The following PRKG1 variants were observed in gnomAD, a reference collection of about 807,000 sequenced individuals.
The protein encoded by PRKG1 is cGMP-dependent protein kinase 1.
A neutral mutation model predicts 88.1 loss-of-function variants in PRKG1; 35 were observed. The ratio of observed to expected loss-of-function variants is 0.40; its 90% CI spans 0.30 to 0.53. The LOEUF (loss-of-function observed/expected upper bound fraction) is 0.53. Among genes scored for constraint, PRKG1 ranks in the 20% least tolerant of loss-of-function variants. PRKG1 has a pLI of 0.59. For synonymous variants in PRKG1, 303 were observed against 292.5 expected, an observed-to-expected ratio of 1.04 and a Z score of -0.37; for missense variants, 540 against 839.8, an observed-to-expected ratio of 0.64 and a Z score of 4.41.
At chr10:51,545,990 G>T (rs1842436297) in intron 3 of PRKG1, among the ~76,000 whole-genome samples, 1 of 151,034 alleles carries the variant, frequency 6.6e-6, no homozygotes, top group South Asian at 2.1e-4. Context: ...CTTAATGAAG[G>T]TTATGCATAT....
At chr10:52,217,624 T>A (rs2132816967) in intron 9 of PRKG1, among the ~76,000 whole-genome samples, 1 of 152,262 alleles carries the variant, frequency 6.6e-6, no homozygotes, top group South Asian at 2.1e-4. Context: ...ATAGCAAGGA[T>A]TAAACAATAT....
At chr10:51,504,578 T>C (rs930706868) in intron 3 of PRKG1, among the ~76,000 whole-genome samples, 27 of 152,228 alleles carry the variant, frequency 1.8e-4, no homozygotes, top group African/African-American at 5.8e-4. Context: ...GCCATTGTCA[T>C]GATATTGATT....
chr10:51,916,155 C>T (rs1842334633), intron 5 of PRKG1, among the ~76,000 whole-genome samples: 1 of 152,128 alleles, frequency 6.6e-6, no homozygotes, highest in African/African-American at 2.4e-5. Context: ...ACCTACTGGG[C>T]TGCATTCCCA....
At chr10:51,629,972 T>G (rs1839482271) in intron 3 of PRKG1, among the ~76,000 whole-genome samples, 1 of 152,188 alleles carries the variant, frequency 6.6e-6, no homozygotes, top group Admixed American at 6.5e-5. Flanking sequence ...TGGCTTTGAT[T>G]GCGGTTACTG....
intron 14 of PRKG1, among the ~76,000 whole-genome samples, chr10:52,287,420 C>T (rs549507665): frequency 2.6e-5 from 4 of 151,994 alleles, no homozygotes; most frequent in African/African-American, 7.2e-5. Flanking sequence ...TCTACTACTC[C>T]TTACTTTAAA....
chr10:51,236,794 A>G (rs1564649893), intron 2 of PRKG1, among the ~76,000 whole-genome samples: 1 of 152,168 alleles, frequency 6.6e-6, no homozygotes, highest in East Asian at 1.9e-4. Flanking sequence ...ATGAGCCACC[A>G]CGCTCAGCCA....
chr10:51,692,601 A>G (rs1241385971), intron 3 of PRKG1, among the ~76,000 whole-genome samples: 2 of 152,174 alleles, frequency 1.3e-5, no homozygotes, highest in Non-Finnish European at 1.5e-5. Flanking sequence ...GTGAGTCTGT[A>G]GGATTCACTT....
chr10:52,230,859 G>C (rs1026384548), intron 9 of PRKG1: 1 of 152,148 alleles, frequency 6.6e-6, no homozygotes, highest in African/African-American at 2.4e-5. Flanking sequence ...TAACATCACA[G>C]TGATTGTTTA....
At chr10:51,329,075 G>A (rs1404365964) in intron 2 of PRKG1, among the ~76,000 whole-genome samples, 1 of 151,890 alleles carries the variant, frequency 6.6e-6, no homozygotes, top group Admixed American at 6.6e-5. Context: ...TTATTTTGAT[G>A]TAATTTGTCT....
chr10:51,133,157 T>A (rs1244918273), intron 1 of PRKG1, among the ~76,000 whole-genome samples: 1 of 152,134 alleles, frequency 6.6e-6, no homozygotes, highest in Non-Finnish European at 1.5e-5. Context: ...AAAGTGCAAA[T>A]GTCTTCACTT....
intron 2 of PRKG1, among the ~76,000 whole-genome samples, chr10:51,351,887 A>C (rs1842256182): frequency 6.6e-6 from 1 of 152,184 alleles, no homozygotes; most frequent in African/African-American, 2.4e-5. Context: ...TTTTACATTT[A>C]AGTCTTTAAT....
intron 2 of PRKG1, among the ~76,000 whole-genome samples, chr10:51,194,028 A>G (rs564005182): frequency 6.6e-6 from 1 of 152,292 alleles, no homozygotes; most frequent in Non-Finnish European, 1.5e-5. Context: ...GTAGTCTTAA[A>G]TTATGACCTT....
intron 2 of PRKG1, among the ~76,000 whole-genome samples, chr10:51,317,845 C>T (rs1841361927): frequency 2.0e-5 from 3 of 152,082 alleles, no homozygotes; most frequent in Admixed American, 2.0e-4. Context: ...AAAACCTGTC[C>T]CATCTGTTCC....
chr10:51,126,199 T>C (rs1464074678), intron 1 of PRKG1, among the ~76,000 whole-genome samples: 2 of 122,154 alleles, frequency 1.6e-5, no homozygotes, highest in Non-Finnish European at 3.2e-5. Context: ...ATTATTTATA[T>C]GTTATTTATA....
intron 5 of PRKG1, among the ~76,000 whole-genome samples, chr10:51,918,334 T>C (rs1489597723): frequency 3.3e-5 from 1 of 30,264 alleles, no homozygotes; most frequent in Non-Finnish European, 6.7e-5. Flanking sequence ...ACTTGACTTA[T>C]TTTTTTTTTA....
At chr10:52,024,832 T>C (rs1331970762) in intron 5 of PRKG1, among the ~76,000 whole-genome samples, 11 of 152,232 alleles carry the variant, frequency 7.2e-5, no homozygotes, top group Non-Finnish European at 5.9e-5. Flanking sequence ...TATAATCCTT[T>C]GGTTATATAC....
intron 1 of PRKG1, among the ~76,000 whole-genome samples, chr10:51,107,717 G>C (rs1844873620): frequency 6.6e-6 from 1 of 150,416 alleles, no homozygotes; most frequent in African/African-American, 2.5e-5. Flanking sequence ...CCAGCTACTT[G>C]GGAGGCTGAG....
intron 5 of PRKG1, among the ~76,000 whole-genome samples, chr10:51,979,629 T>C (rs1223968465): frequency 2.0e-5 from 3 of 148,656 alleles, no homozygotes; most frequent in Non-Finnish European, 4.5e-5. Flanking sequence ...TTTTTTTTTT[T>C]TTTAAGGTTG....
chr10:51,146,845 C>T (rs542862481), intron 1 of PRKG1, among the ~76,000 whole-genome samples: 1 of 151,990 alleles, frequency 6.6e-6, no homozygotes, highest in Non-Finnish European at 1.5e-5. Flanking sequence ...ATCTGTACTC[C>T]CATATTTATT....
Sources: allele counts gnomAD v4.1 joint callset (sites outside exome capture counted in the v4.1 genomes callset), GRCh38; gene constraint gnomAD v4.1.1; transcripts MANE v1.5; gene names NCBI Gene and HGNC (gene_info 2026-07-23, HGNC 2026-07-21).